The following CAPZA2 variants were observed in gnomAD, a reference collection of about 807,000 sequenced individuals.
CAPZA2 encodes the protein F-actin-capping protein subunit alpha-2.
Under a neutral mutation model 44.0 loss-of-function variants are expected in CAPZA2, and 13 were observed. The observed-to-expected ratio is 0.30, with a 90% CI of 0.19 to 0.47. CAPZA2 has a LOEUF of 0.47. CAPZA2 is among the 20% of genes least tolerant of loss of function. CAPZA2 has a pLI of 1.00. For synonymous variants in CAPZA2, 94 were observed against 108.2 expected (o/e 0.87, Z 0.81); for missense variants, 244 against 338.6 (o/e 0.72, Z 2.19).
intron 1 of CAPZA2, among the ~76,000 whole-genome samples, chr7:116,884,238 A>C (rs1364886947): frequency 1.3e-5 from 2 of 152,032 alleles, no homozygotes; most frequent in East Asian, 1.9e-4. Flanking sequence ...AAAACACATA[A>C]AAAAATTTAT....
At chr7:116,917,633 G>A in intron 9 of CAPZA2, 94 bp from the exon 10 acceptor site, 1 of 889,370 alleles carries the variant, frequency 1.1e-6, no homozygotes, top group Non-Finnish European at 1.9e-6. Context: ...GAAACAGGCT[G>A]CTTAAATAAA....
intron 1 of CAPZA2, among the ~76,000 whole-genome samples, chr7:116,884,017 T>A (rs1008282884): frequency 6.6e-6 from 1 of 152,152 alleles, no homozygotes; most frequent in Non-Finnish European, 1.5e-5. Context: ...TCAGTATAAA[T>A]ACTTCCTAAC....
At chr7:116,901,626 A>T (rs1406061914) in intron 4 of CAPZA2, among the ~76,000 whole-genome samples, 2 of 152,152 alleles carry the variant, frequency 1.3e-5, no homozygotes, top group African/African-American at 2.4e-5. Flanking sequence ...GTTTACCTAT[A>T]TAATAAACCT....
chr7:116,891,309 A>C (rs918435996), intron 2 of CAPZA2, among the ~76,000 whole-genome samples: 1 of 152,230 alleles, frequency 6.6e-6, no homozygotes, highest in Admixed American at 6.5e-5. Flanking sequence ...TGTCCATGCA[A>C]TATCGCTGTT....
chr7:116,900,745 A>T (rs1351156266), intron 4 of CAPZA2, among the ~76,000 whole-genome samples: 1 of 152,164 alleles, frequency 6.6e-6, no homozygotes, highest in African/African-American at 2.4e-5. Flanking sequence ...ACAGAATGGG[A>T]GACAAATTTT....
At chr7:116,913,280 AT>A in intron 8 of CAPZA2, among the ~76,000 whole-genome samples, 1 of 151,872 alleles carries the variant, frequency 6.6e-6, no homozygotes, top group East Asian at 1.9e-4. Context: ...TTTGGTTTTG[AT>A]TTTTTTCTTT....
intron 7 of CAPZA2, among the ~76,000 whole-genome samples, chr7:116,910,512 G>C (rs894750350): frequency 1.3e-5 from 2 of 152,162 alleles, no homozygotes; most frequent in Non-Finnish European, 2.9e-5. Flanking sequence ...AAATCTGCAA[G>C]GATAGCTGAC....
chr7:116,891,626 C>G (rs1796847696), intron 2 of CAPZA2, among the ~76,000 whole-genome samples: 1 of 152,156 alleles, frequency 6.6e-6, no homozygotes, highest in Non-Finnish European at 1.5e-5. Context: ...ATTCTCCTGC[C>G]TCAGCCTCCC....
At chr7:116,880,701 T>A (rs1796685367) in intron 1 of CAPZA2, among the ~76,000 whole-genome samples, 1 of 58,932 alleles carries the variant, frequency 1.7e-5, no homozygotes, top group South Asian at 6.8e-4. Flanking sequence ...CCTGCCTTTT[T>A]TTTTTTTTTT....
chr7:116,893,650 T>G (rs1430195625), intron 3 of CAPZA2, among the ~76,000 whole-genome samples: 1 of 152,216 alleles, frequency 6.6e-6, no homozygotes, highest in East Asian at 1.9e-4. Context: ...TGGAAGAAAT[T>G]GTGGTTGCTA....
chr7:116,888,221 A>T (rs772019761), intron 2 of CAPZA2, 31 bp downstream of exon 2: 1 of 1,449,670 alleles, frequency 6.9e-7, no homozygotes, highest in Admixed American at 1.7e-5. Flanking sequence ...ACTAGGCTTG[A>T]TATATCAAGC....
Position 116,885,223 on chromosome 7 carries a change from AC to A in CAPZA2, c.40-2903del, listed in dbSNP as rs1258074964. Among the ~76,000 whole-genome samples, 3 of 151,612 alleles carry A rather than the reference AC, an allele frequency of 2.0e-5. No homozygotes were observed. In the East Asian group the frequency reaches 5.8e-4, roughly 29 times the overall value. ...AGAAGTCTTCCACAGAGCAGGTTTT[AC>A]ATTTTGAATAAGTCCAGCTCACTAG... On this transcript the variant is annotated intron_variant, in intron 1 of 9. Transcript: ENST00000361183.
intron 1 of CAPZA2, among the ~76,000 whole-genome samples, chr7:116,863,404 C>T (rs989825915): frequency 3.3e-5 from 5 of 152,206 alleles, no homozygotes; most frequent in African/African-American, 1.2e-4. Context: ...TTGGTGGCAC[C>T]TCACTTTCCT....
intron 1 of CAPZA2, among the ~76,000 whole-genome samples, chr7:116,863,775 G>A (rs1339701257): frequency 2.0e-5 from 3 of 152,144 alleles, no homozygotes; most frequent in Admixed American, 6.6e-5. Flanking sequence ...GAAAATACAG[G>A]TACATTTAGG....
intron 8 of CAPZA2, among the ~76,000 whole-genome samples, chr7:116,913,659 C>G (rs1424165079): frequency 6.6e-6 from 1 of 152,012 alleles, no homozygotes; most frequent in African/African-American, 2.4e-5. Context: ...GTCACCCAGG[C>G]TGGCATGATC....
intron 5 of CAPZA2, among the ~76,000 whole-genome samples, chr7:116,904,969 TAAAAAAAAAAAAAAA>T (rs371485695): frequency 1.0e-5 from 1 of 95,630 alleles, no homozygotes; most frequent in African/African-American, 4.2e-5. Flanking sequence ...TGTCTCTACT[TAAAAAAAAAAAAAAA>T]AAAAACAATT....
chr7:116,908,576 GC>G (rs1361698411), intron 6 of CAPZA2, among the ~76,000 whole-genome samples: 1 of 152,112 alleles, frequency 6.6e-6, no homozygotes, highest in African/African-American at 2.4e-5. Context: ...AGTAATTAAT[GC>G]CTTTGGAAGA....
intron 1 of CAPZA2, among the ~76,000 whole-genome samples, chr7:116,863,236 C>A (rs981377336): frequency 4.6e-5 from 7 of 152,206 alleles, no homozygotes; most frequent in African/African-American, 1.4e-4. Flanking sequence ...CCCATGGAGG[C>A]ATCTCTCCCT....
intron 2 of CAPZA2, among the ~76,000 whole-genome samples, chr7:116,890,050 C>T (rs986847403): frequency 2.6e-5 from 4 of 152,100 alleles, no homozygotes; most frequent in Non-Finnish European, 5.9e-5. Context: ...TGAGACTGCA[C>T]TAAAGTCAGT....
Sources: allele counts gnomAD v4.1 joint callset (sites outside exome capture counted in the v4.1 genomes callset), GRCh38; gene constraint gnomAD v4.1.1; transcripts MANE v1.5; gene names NCBI Gene and HGNC (gene_info 2026-07-23, HGNC 2026-07-21).